The following CD72 variants were observed in gnomAD, a reference collection of about 807,000 sequenced individuals.
The protein encoded by CD72 is CD72 molecule.
A neutral mutation model predicts 50.7 loss-of-function variants in CD72; 28 were observed. That is an observed-to-expected ratio of 0.55 (90% confidence interval 0.41 to 0.76). The LOEUF is 0.76. Among genes scored for constraint, CD72 ranks in the 30% least tolerant of loss-of-function variants. CD72 has a pLI of 0.00. For missense variants in CD72, 403 were observed against 420.6 expected (o/e 0.96, Z 0.37); for synonymous variants, 176 against 171.2 (o/e 1.03, Z -0.22).
At chr9:35,645,144 A>G (rs1823376855) in intron 1 of CD72, among the ~76,000 whole-genome samples, 1 of 149,892 alleles carries the variant, frequency 6.7e-6, no homozygotes, top group South Asian at 2.1e-4. Context: ...GGTTGCAGTG[A>G]GCCGAGATCT....
At chr9:35,625,680 G>A (rs1823189692) in intron 1 of CD72, among the ~76,000 whole-genome samples, 1 of 152,204 alleles carries the variant, frequency 6.6e-6, no homozygotes. Flanking sequence ...ATCTTCAAAG[G>A]ACAGGTTGAC....
intron 1 of CD72, among the ~76,000 whole-genome samples, chr9:35,637,402 C>T (rs1429212667): frequency 6.6e-6 from 1 of 152,204 alleles, no homozygotes; most frequent in Non-Finnish European, 1.5e-5. Context: ...CCTGTCCTCG[C>T]CCTAACTCTG....
intron 1 of CD72, among the ~76,000 whole-genome samples, chr9:35,632,690 C>T (rs1336408860): frequency 6.7e-6 from 1 of 149,390 alleles, no homozygotes; most frequent in African/African-American, 2.5e-5. Flanking sequence ...GATTCTCCTT[C>T]CTCAGCCTCC....
chr9:35,641,866 T>A (rs1251286082), intron 1 of CD72, among the ~76,000 whole-genome samples: 1 of 152,210 alleles, frequency 6.6e-6, no homozygotes, highest in Non-Finnish European at 1.5e-5. Context: ...GGCTTCCAGA[T>A]GTTTGATAGG....
chr9:35,623,025 T>A (rs1415058995), upstream of CD72, among the ~76,000 whole-genome samples: 1 of 152,140 alleles, frequency 6.6e-6, no homozygotes, highest in African/African-American at 2.4e-5. Context: ...GAGGATTGTT[T>A]GAGCCCAGGA....
At chr9:35,617,104 G>T in intron 3 of CD72, 72 bp downstream of exon 3, 1 of 1,543,900 alleles carries the variant, frequency 6.5e-7, no homozygotes. Context: ...ACCCCGCGGG[G>T]CCCAGCGCCA....
At chr9:35,633,284 T>G (rs530355663) in intron 1 of CD72, among the ~76,000 whole-genome samples, 3 of 151,546 alleles carry the variant, frequency 2.0e-5, no homozygotes, top group African/African-American at 7.2e-5. Context: ...TTTCATTTCA[T>G]TAGTGTTAGC....
chr9:35,645,150 G>T (rs1288526936), intron 1 of CD72, among the ~76,000 whole-genome samples: 4 of 144,286 alleles, frequency 2.8e-5, no homozygotes, highest in African/African-American at 1.0e-4. Flanking sequence ...AGTGAGCCGA[G>T]ATCTCGCCAC....
upstream of CD72, chr9:35,618,414 A>T: frequency 1.3e-6 from 2 of 1,555,762 alleles, no homozygotes; most frequent in East Asian, 2.4e-5. Flanking sequence ...CTGTGACTGC[A>T]CGGCTTAGCA....
chr9:35,614,238 G>A (rs79690409), intron 5 of CD72, among the ~76,000 whole-genome samples: 2,871 of 152,294 alleles, frequency 0.019, 89 homozygotes, highest in African/African-American at 0.063. Context: ...TATATGTTAT[G>A]TATTCCATAA....
At chr9:35,631,289 T>G (rs984156949) in intron 1 of CD72, among the ~76,000 whole-genome samples, 2 of 152,200 alleles carry the variant, frequency 1.3e-5, no homozygotes, top group African/African-American at 4.8e-5. Flanking sequence ...TATAATTTCT[T>G]TTCAGATGAG....
At chr9:35,644,687 G>C (rs143343771) in intron 1 of CD72, among the ~76,000 whole-genome samples, 1 of 152,272 alleles carries the variant, frequency 6.6e-6, no homozygotes, top group Non-Finnish European at 1.5e-5. Context: ...CAAGGGATCT[G>C]ATTAACTCAC....
chr9:35,637,693 GCGGGGATGCC>G (rs1327462749), intron 1 of CD72, among the ~76,000 whole-genome samples: 5 of 152,142 alleles, frequency 3.3e-5, no homozygotes, highest in Non-Finnish European at 5.9e-5. Flanking sequence ...TCTAATCACT[GCGGGGATGCC>G]TGCCTGATTA....
chr9:35,635,180 T>G (rs1468660444), intron 1 of CD72, among the ~76,000 whole-genome samples: 2 of 152,174 alleles, frequency 1.3e-5, no homozygotes, highest in African/African-American at 4.8e-5. Flanking sequence ...AGTTTTGGAA[T>G]TTTTGCCTAT....
At chr9:35,644,309 C>T (rs904660448) in intron 1 of CD72, among the ~76,000 whole-genome samples, 7 of 138,734 alleles carry the variant, frequency 5.0e-5, no homozygotes, top group African/African-American at 1.4e-4. Flanking sequence ...AAGATCACAC[C>T]GCTGTATTCC....
upstream of CD72, among the ~76,000 whole-genome samples, chr9:35,623,938 A>C (rs912566755): frequency 6.7e-6 from 1 of 150,062 alleles, no homozygotes; most frequent in African/African-American, 2.5e-5. Context: ...TAAAAAGACA[A>C]ATTTATAAAG....
intron 1 of CD72, among the ~76,000 whole-genome samples, chr9:35,631,871 C>T (rs570129445): frequency 2.6e-5 from 4 of 151,876 alleles, no homozygotes; most frequent in African/African-American, 9.7e-5. Context: ...CCAGCTTGGG[C>T]TACAGAGCCA....
Position 35,616,615 on chromosome 9 carries a change from A to T in CD72, c.337T>A (p.Cys113Ser), listed in dbSNP as rs765865411. Residue 113 changes from cysteine to serine, a missense_variant, in exon 4 of 9, where the codon TGC becomes AGC. Coordinates refer to ENST00000259633, the MANE Select transcript of CD72 (RefSeq NM_001782.3). ...CCTTACTCACAGCGCACTCCCAGGC[A>T]GATGGCGGTCACTCCTAACAGCAGG... is the stretch of plus-strand genomic sequence containing the variant. ...TCLLLGVTAI[C>S]LGVRYLQVSQ... 1.2e-5 allele frequency: 20 copies of T among 1,613,806 alleles called. No homozygotes were observed. The highest frequency in any genetic ancestry group is 5.0e-5 in the Admixed American group (3 of 60,000).
intron 1 of CD72, among the ~76,000 whole-genome samples, chr9:35,636,847 A>G (rs1203979573): frequency 1.3e-5 from 2 of 152,176 alleles, no homozygotes; most frequent in African/African-American, 4.8e-5. Flanking sequence ...AAGAAAAGCC[A>G]TTATATCCCC....
Sources: allele counts gnomAD v4.1 joint callset (sites outside exome capture counted in the v4.1 genomes callset), GRCh38; gene constraint gnomAD v4.1.1; transcripts MANE v1.5; gene names NCBI Gene and HGNC (gene_info 2026-07-23, HGNC 2026-07-21).